SLC16A12: variants seen among roughly 807,000 people sequenced by gnomAD.
SLC16A12 encodes the protein monocarboxylate transporter 12.
In SLC16A12, 17 loss-of-function variants were observed where a neutral mutation model predicts 42.4. The observed-to-expected ratio is 0.40, with a 90% CI of 0.27 to 0.60. The LOEUF (loss-of-function observed/expected upper bound fraction) is 0.60, where lower values mean the gene tolerates loss of function less well. SLC16A12 is among the 20% of genes least tolerant of loss of function. The pLI is 0.42. For synonymous variants in SLC16A12, 224 were observed against 229.4 expected, an observed-to-expected ratio of 0.98 and a Z score of 0.21; for missense variants, 544 against 623.0, an observed-to-expected ratio of 0.87 and a Z score of 1.35.
intron 2 of SLC16A12, among the ~76,000 whole-genome samples, chr10:89,471,986 T>C (rs1170895894): frequency 6.6e-6 from 1 of 152,174 alleles, no homozygotes; most frequent in East Asian, 1.9e-4. Flanking sequence ...TTTTTTATTA[T>C]TGGGATACAG....
rs536600045 is a variant in SLC16A12, at chr10:89,520,794, G to A, written c.-47+13707C>T. On this transcript the variant is annotated intron_variant, in intron 2 of 7. Transcript: ENST00000371790. The stretch of plus-strand genomic sequence containing the variant: ...ATACCTGTTCTCTGCCCCTGCCCTT[G>A]AGCCTTAATGTTTCAGATCTCAGCT... Among the ~76,000 whole-genome samples the A allele has an allele frequency of 3.3e-5, 5 of 150,372 alleles. No homozygotes were observed. The East Asian group carries it at 5.9e-4, about 18-fold the overall frequency.
At chr10:89,449,688 A>G (rs1345845831) in intron 3 of SLC16A12, among the ~76,000 whole-genome samples, 1 of 152,242 alleles carries the variant, frequency 6.6e-6, no homozygotes, top group Non-Finnish European at 1.5e-5. Flanking sequence ...CATTCAGGAC[A>G]TAGGCATGGG....
rs539294727 is a variant in SLC16A12, at chr10:89,470,452, C to T, written c.-46-7828G>A. ...GTGGGAAGACATAACTTCAGGGGTC[C>T]CCTCTGTCTAAGCAGAGAGAAACAG... is the stretch of plus-strand genomic sequence containing the variant. On this transcript the variant is annotated intron_variant, in intron 2 of 7. Coordinates refer to ENST00000371790, the MANE Select transcript of SLC16A12 (RefSeq NM_213606.4). 2.2e-3 allele frequency among the ~76,000 whole-genome samples: 336 copies of T among 152,310 alleles called. 2 individuals are homozygous for T. Among genetic ancestry groups the T allele is most frequent in the African/African-American group, 7.4e-3 (309 of 41,560 alleles).
At chr10:89,439,457 A>C (rs538143566) in intron 5 of SLC16A12, among the ~76,000 whole-genome samples, 1 of 152,338 alleles carries the variant, frequency 6.6e-6, no homozygotes, top group Admixed American at 6.5e-5. Flanking sequence ...AATTACACAA[A>C]CTAAATTGGA....
chr10:89,495,357 AAAAC>A (rs529791347), intron 2 of SLC16A12, among the ~76,000 whole-genome samples: 17 of 152,100 alleles, frequency 1.1e-4, no homozygotes, highest in East Asian at 1.9e-4. Context: ...CGTCTCTCAA[AAAAC>A]AAACAAACAA....
intron 2 of SLC16A12, among the ~76,000 whole-genome samples, chr10:89,554,830 T>TA (rs1843799325): frequency 6.6e-6 from 1 of 152,202 alleles, no homozygotes; most frequent in Admixed American, 6.5e-5. Context: ...CTGGCCCCTC[T>TA]AGCCCTCTAG....
At chr10:89,447,045 A>G (rs1589665910) in intron 3 of SLC16A12, among the ~76,000 whole-genome samples, 1 of 152,356 alleles carries the variant, frequency 6.6e-6, no homozygotes, top group African/African-American at 2.4e-5. Flanking sequence ...GATCGATTCA[A>G]CAAGAAGAGC....
At chr10:89,471,973 CTGTT>C (rs1842501707) in intron 2 of SLC16A12, among the ~76,000 whole-genome samples, 1 of 151,890 alleles carries the variant, frequency 6.6e-6, no homozygotes. Context: ...ACTAGGTGGT[CTGTT>C]TTTTATTATT....
chr10:89,453,045 T>C (rs1476835926), intron 3 of SLC16A12, among the ~76,000 whole-genome samples: 2 of 152,204 alleles, frequency 1.3e-5, no homozygotes, highest in Non-Finnish European at 2.9e-5. Context: ...GCCACACGAA[T>C]GCTCTATGTA....
chr10:89,449,923 A>C (rs1361933072), intron 3 of SLC16A12, among the ~76,000 whole-genome samples: 2 of 152,210 alleles, frequency 1.3e-5, no homozygotes, highest in African/African-American at 4.8e-5. Flanking sequence ...AAAAAAATCA[A>C]ACAACCCCAT....
At chr10:89,493,986 T>C (rs1041673381) in intron 2 of SLC16A12, among the ~76,000 whole-genome samples, 5 of 152,326 alleles carry the variant, frequency 3.3e-5, no homozygotes, top group Middle Eastern at 3.4e-3. Context: ...CAATACATAT[T>C]AGAAATAAAG....
chr10:89,433,863 T>C (rs889152324), intron 7 of SLC16A12, among the ~76,000 whole-genome samples: 3 of 152,226 alleles, frequency 2.0e-5, no homozygotes, highest in African/African-American at 7.2e-5. Context: ...TAGCTTTTTT[T>C]TCTTTATCTC....
intron 2 of SLC16A12, among the ~76,000 whole-genome samples, chr10:89,497,938 G>A (rs752021838): frequency 6.6e-6 from 1 of 152,094 alleles, no homozygotes; most frequent in Non-Finnish European, 1.5e-5. Flanking sequence ...TTAGAAGTAG[G>A]TATAATTATT....
At chr10:89,465,782 T>C (rs1173609856) in intron 2 of SLC16A12, among the ~76,000 whole-genome samples, 3 of 152,170 alleles carry the variant, frequency 2.0e-5, no homozygotes, top group Non-Finnish European at 2.9e-5. Context: ...CCCAGTCCCT[T>C]GGTTTAGGGA....
At chr10:89,528,548 A>G (rs537004680) in intron 2 of SLC16A12, among the ~76,000 whole-genome samples, 5 of 152,330 alleles carry the variant, frequency 3.3e-5, no homozygotes, top group Admixed American at 3.3e-4. Context: ...AAATCACTGA[A>G]CATTCATTCA....
chr10:89,504,796 C>A (rs1034145924), intron 2 of SLC16A12, among the ~76,000 whole-genome samples: 3 of 152,136 alleles, frequency 2.0e-5, no homozygotes, highest in African/African-American at 7.2e-5. Flanking sequence ...ATGCTGGGGC[C>A]TGATTACAAT....
chr10:89,502,648 T>C (rs1164982430), intron 2 of SLC16A12, among the ~76,000 whole-genome samples: 2 of 152,168 alleles, frequency 1.3e-5, no homozygotes, highest in African/African-American at 4.8e-5. Context: ...CCTTGAGGAC[T>C]ATAGAAGCAA....
rs373941899 is a variant in SLC16A12, at chr10:89,555,486, C to T, written c.-47+396G>A. On this transcript the variant is annotated intron_variant, in intron 2 of 2. Coordinates refer to the SLC16A12 transcript ENST00000475682. ...GATAATATATATATGTGTATATATA[C>T]GTATATATACGTATATACGTATATA... is the stretch of plus-strand genomic sequence containing the variant. Among the ~76,000 whole-genome samples, 165 of 143,946 alleles carry T rather than the reference C, an allele frequency of 1.1e-3. 1 individual carries two copies. The highest frequency in any genetic ancestry group is 4.0e-3 in the African/African-American group (156 of 39,044). 94.4% of individuals were successfully genotyped at this position (143,946 alleles called of 152,430 possible).
chr10:89,544,811 A>ACCCC (rs1843733911), intron 2 of SLC16A12, among the ~76,000 whole-genome samples: 1 of 121,848 alleles, frequency 8.2e-6, no homozygotes, highest in East Asian at 2.0e-4. Flanking sequence ...AGGTCTGTCT[A>ACCCC]ACTCTGGGGT....
Sources: allele counts gnomAD v4.1 joint callset (sites outside exome capture counted in the v4.1 genomes callset), GRCh38; gene constraint gnomAD v4.1.1; transcripts MANE v1.5; gene names NCBI Gene and HGNC (gene_info 2026-07-23, HGNC 2026-07-21).